ZRANB3: variants seen among roughly 807,000 people sequenced by gnomAD.
ZRANB3 encodes the protein zinc finger RANBP2-type containing 3, also known as DNA annealing helicase and endonuclease ZRANB3.
Under a neutral mutation model 133.8 loss-of-function variants are expected in ZRANB3, and 125 were observed. The observed-to-expected ratio is 0.93, with a 90% CI of 0.81 to 1.08. The LOEUF (loss-of-function observed/expected upper bound fraction) is 1.08, where lower values mean the gene tolerates loss of function less well. Among genes scored for constraint, ZRANB3 ranks in the 50% least tolerant of loss-of-function variants. ZRANB3 has a pLI of 0.00. For synonymous variants in ZRANB3, 387 were observed against 432.7 expected (o/e 0.89, Z 1.31); for missense variants, 1,229 against 1,275.5 (o/e 0.96, Z 0.56).
intron 1 of ZRANB3, chr2:135,512,074 C>G (rs539538673): frequency 2.3e-6 from 1 of 439,950 alleles, no homozygotes; most frequent in Admixed American, 3.7e-5. Context: ...TGTGTCCGCA[C>G]CAGCAATACA....
intron 12 of ZRANB3, among the ~76,000 whole-genome samples, chr2:135,232,119 A>G (rs1015434558): frequency 6.6e-6 from 1 of 152,220 alleles, no homozygotes; most frequent in East Asian, 1.9e-4. Flanking sequence ...CAACGGTCTT[A>G]GCAAATGCCA....
At chr2:135,234,853 A>C (rs1369206332) in intron 12 of ZRANB3, among the ~76,000 whole-genome samples, 1 of 152,202 alleles carries the variant, frequency 6.6e-6, no homozygotes, top group African/African-American at 2.4e-5. Flanking sequence ...TCTAAAATTG[A>C]CACCCTAACA....
chr2:135,484,549 G>A (rs2104797916), intron 2 of ZRANB3, among the ~76,000 whole-genome samples: 1 of 151,874 alleles, frequency 6.6e-6, no homozygotes, highest in East Asian at 1.9e-4. Flanking sequence ...CTAACACTAA[G>A]CTTGATGGAG....
intron 8 of ZRANB3, among the ~76,000 whole-genome samples, chr2:135,284,673 A>G (rs1681263448): frequency 6.6e-6 from 1 of 151,892 alleles, no homozygotes; most frequent in South Asian, 2.1e-4. Flanking sequence ...GGGTTTCATC[A>G]TGTTGGCCAG....
rs927475159 is a variant in ZRANB3 at position 135,453,234 on chromosome 2, C to A, written c.161+51095G>T. Among the ~76,000 whole-genome samples, 7 of 152,292 alleles carry A rather than the reference C, an allele frequency of 4.6e-5. No homozygotes were observed. The East Asian group carries it at 1.4e-3, about 29-fold the overall frequency. On this transcript the variant is annotated intron_variant, in intron 2 of 20. Coordinates refer to ENST00000264159, the MANE Select transcript of ZRANB3 (RefSeq NM_032143.4). ...GGACACAAGACACCAAGTCCTTGGG[C>A]CTGGCCCACAAAACCATTTTTTCCT...
chr2:135,510,578 C>T, intron 1 of ZRANB3: 1 of 726,556 alleles, frequency 1.4e-6, no homozygotes. Flanking sequence ...CTTCCCACTC[C>T]AAATCCTGCT....
chr2:135,527,943 G>A (rs1453129110), intron 1 of ZRANB3, among the ~76,000 whole-genome samples: 2 of 152,202 alleles, frequency 1.3e-5, no homozygotes, highest in Non-Finnish European at 2.9e-5. Context: ...CTTACAAGAG[G>A]AAGTGACTGC....
chr2:135,501,873 T>C (rs1692964170), intron 2 of ZRANB3, among the ~76,000 whole-genome samples: 1 of 152,156 alleles, frequency 6.6e-6, no homozygotes, highest in South Asian at 2.1e-4. Flanking sequence ...GTCCCACTAT[T>C]AGCAATACCA....
At chr2:135,497,145 TG>T (rs1692709314) in intron 2 of ZRANB3, among the ~76,000 whole-genome samples, 1 of 152,234 alleles carries the variant, frequency 6.6e-6, no homozygotes. Context: ...TGAAATACTC[TG>T]TATTATAAAT....
chr2:135,258,196 CA>C (rs546646113), intron 12 of ZRANB3, among the ~76,000 whole-genome samples: 29 of 152,178 alleles, frequency 1.9e-4, no homozygotes, highest in Middle Eastern at 3.4e-3. Context: ...CAAGAAATAA[CA>C]ACTCAATAGA....
chr2:135,339,289 T>C (rs1209040008), intron 6 of ZRANB3, among the ~76,000 whole-genome samples: 1 of 152,066 alleles, frequency 6.6e-6, no homozygotes, highest in Non-Finnish European at 1.5e-5. Context: ...TGCATGCCTG[T>C]AATCCCAGCT....
At chr2:135,497,071 A>G (rs1437301160) in intron 2 of ZRANB3, among the ~76,000 whole-genome samples, 3 of 152,208 alleles carry the variant, frequency 2.0e-5, no homozygotes, top group Non-Finnish European at 4.4e-5. Context: ...AAAAAAAGAT[A>G]AGAGATATAC....
At chr2:135,369,643 A>C (rs1387054336) in intron 3 of ZRANB3, among the ~76,000 whole-genome samples, 3 of 152,192 alleles carry the variant, frequency 2.0e-5, no homozygotes, top group Non-Finnish European at 2.9e-5. Flanking sequence ...ACATTTGTAA[A>C]GCCGAAAAAG....
At chr2:135,437,918 G>C (rs554923658) in intron 2 of ZRANB3, among the ~76,000 whole-genome samples, 1 of 152,308 alleles carries the variant, frequency 6.6e-6, no homozygotes, top group East Asian at 1.9e-4. Context: ...TCACCAATGT[G>C]AGTGGGTACC....
intron 1 of ZRANB3, among the ~76,000 whole-genome samples, chr2:135,521,714 A>T (rs576062900): frequency 1.3e-5 from 2 of 152,132 alleles, no homozygotes; most frequent in African/African-American, 4.8e-5. Flanking sequence ...GGCACTACAC[A>T]TAAGAGGGAA....
intron 2 of ZRANB3, among the ~76,000 whole-genome samples, chr2:135,464,902 C>T (rs1690914394): frequency 6.6e-6 from 1 of 152,168 alleles, no homozygotes; most frequent in South Asian, 2.1e-4. Flanking sequence ...ACACAAACCA[C>T]TCGAATGCCA....
intron 2 of ZRANB3, among the ~76,000 whole-genome samples, chr2:135,501,219 A>C (rs1345482342): frequency 6.6e-6 from 1 of 152,134 alleles, no homozygotes; most frequent in Non-Finnish European, 1.5e-5. Flanking sequence ...TAGAAAAGCT[A>C]AAAAGAATAA....
Position 135,233,479 on chromosome 2 carries a change from G to GGT in ZRANB3, c.1540-2553_1540-2552insAC, listed in dbSNP as rs1295094795. Among the ~76,000 whole-genome samples, 45 of 152,270 alleles carry GGT rather than the reference G, an allele frequency of 3.0e-4. 1 individual carries two copies. The highest frequency in any genetic ancestry group is 2.3e-3 in the Admixed American group (35 of 15,298). ...TACTCCTCGAGAAGAGCAACTCCAAGACATACAATCGTCAGATTCACCAAA... is the reference window on the plus strand; with the variant it reads ...TACTCCTCGAGAAGAGCAACTCCAAGGTACATACAATCGTCAGATTCACCAAA... On this transcript the variant is annotated intron_variant, in intron 12 of 20. Coordinates refer to ENST00000264159, the MANE Select transcript of ZRANB3 (RefSeq NM_032143.4).
At chr2:135,210,626 G>A (rs1258355906) in intron 17 of ZRANB3, among the ~76,000 whole-genome samples, 2 of 152,054 alleles carry the variant, frequency 1.3e-5, no homozygotes, top group Non-Finnish European at 2.9e-5. Flanking sequence ...ACCGTGTCTG[G>A]CTCATTTTAG....
Sources: gnomAD v4.1 joint callset for allele counts (sites outside exome capture counted in the v4.1 genomes callset) on GRCh38, gnomAD v4.1.1 for gene constraint, MANE v1.5 for transcripts, NCBI Gene and HGNC (gene_info 2026-07-23, HGNC 2026-07-21) for gene names.